The following HMCN1 variants were observed in gnomAD, a reference collection of about 807,000 sequenced individuals.
HMCN1 encodes hemicentin 1, also known as hemicentin-1.
In HMCN1, 321 loss-of-function variants were observed where a neutral mutation model predicts 625.9. That is an observed-to-expected ratio of 0.51 (90% CI 0.47 to 0.56). The LOEUF (loss-of-function observed/expected upper bound fraction) is 0.56, where lower values mean the gene tolerates loss of function less well. Among genes scored for constraint, HMCN1 ranks in the 20% least tolerant of loss-of-function variants. The pLI is 0.00. For synonymous variants in HMCN1, 2,425 were observed against 2,417.6 expected (o/e 1.00, Z -0.09); for missense variants, 6,588 against 6,887.3 (o/e 0.96, Z 1.54).
At chr1:186,119,330 G>C (rs371101620) in intron 78 of HMCN1, 32 bp downstream of exon 78, 2 of 1,534,760 alleles carry the variant, frequency 1.3e-6, no homozygotes, top group Non-Finnish European at 1.8e-6. Flanking sequence ...TTCAAAGTTC[G>C]CTGGGTTTGG....
chr1:186,151,200 G>A lies in HMCN1; in HGVS notation c.14609G>A (p.Gly4870Asp). 12 of 1,613,376 alleles carry A rather than the reference G, an allele frequency of 7.4e-6. No homozygotes were observed. The highest frequency in any genetic ancestry group is 1.0e-5 in the Non-Finnish European group (12 of 1,179,668). The change falls in exon 94 of 107, where the codon GGT (glycine) becomes GAT (aspartate). Residue 4870 changes from glycine (G) to aspartate (D), a missense_variant and splice_region_variant. Gly to Asp is a moderately conservative substitution (Grantham distance 94). This residue lies in a region of HMCN1 where 1,954 missense variants were observed against 2,013.1 expected (regional missense o/e 0.97). Coordinates refer to ENST00000271588, the MANE Select transcript of HMCN1 (RefSeq NM_031935.3). ...GGAATGTTTTTTTTTCCCCCAATAG[G>A]TGGGCCCCAGCGAGCCAGAGGAAGT... ...VTRCNVQACP[G>D]GPQRARGSVI...
At chr1:185,959,415 G>A (rs1008466472) in intron 11 of HMCN1, among the ~76,000 whole-genome samples, 6 of 152,032 alleles carry the variant, frequency 3.9e-5, no homozygotes, top group African/African-American at 1.4e-4. Flanking sequence ...ACCATTAATA[G>A]TGTATTAAGA....
At chr1:186,153,290 C>T (rs1650787094) in intron 96 of HMCN1, among the ~76,000 whole-genome samples, 1 of 152,074 alleles carries the variant, frequency 6.6e-6, no homozygotes, top group African/African-American at 2.4e-5. Flanking sequence ...AATTATGAAA[C>T]AACTATGTTA....
intron 15 of HMCN1, among the ~76,000 whole-genome samples, chr1:185,975,384 G>T (rs1055781804): frequency 2.0e-5 from 3 of 152,146 alleles, no homozygotes; most frequent in Non-Finnish European, 4.4e-5. Context: ...AGGGAAGCAG[G>T]CACATCTTAC....
chr1:186,103,544 C>A lies in HMCN1; in HGVS notation c.10646C>A (p.Thr3549Asn). 1.2e-6 allele frequency: 2 copies of A among 1,613,866 alleles called. No individual in the cohort carries two copies. Among genetic ancestry groups the A allele is most frequent in the Non-Finnish European group, 8.5e-7 (1 of 1,179,804 alleles). Residue 3549 changes from threonine to asparagine, a missense_variant, in exon 69 of 107, where the codon ACC (threonine) becomes AAC (asparagine). Transcript: ENST00000271588. ...SVIVNNPLEL[T>N]CIASGIPAPK... ...ATTGTTAATAACCCACTTGAACTTA[C>A]CTGCATTGCTTCTGGAATCCCAGCC...
chr1:186,087,514 TC>T lies in HMCN1; in HGVS notation c.9233del (p.Ser3078PhefsTer22). On this transcript the variant is annotated frameshift_variant, in exon 60 of 107. Transcript: ENST00000271588. LOFTEE classifies it high-confidence loss of function. ...TAATGTAAGAGAGGGAACTTCTGTG[TC>T]TTTGGAGTGTGAGTCGAACGCTGTG... ...VVNVREGTSV[S>X]LECESNAVPP... 1 of 1,613,348 alleles carries T rather than the reference TC, an allele frequency of 6.2e-7. No homozygotes were observed. The highest frequency in any genetic ancestry group is 8.5e-7 in the Non-Finnish European group (1 of 1,179,540).
At chr1:185,890,087 T>C (rs1664956735) in intron 4 of HMCN1, among the ~76,000 whole-genome samples, 1 of 151,888 alleles carries the variant, frequency 6.6e-6, no homozygotes, top group Non-Finnish European at 1.5e-5. Context: ...GATTTTCTAG[T>C]TTATTAGCTT....
At position 186,190,311 on chromosome 1, in the gene HMCN1, C is replaced by A; in HGVS notation, c.*433C>A. On this transcript the variant is annotated 3_prime_UTR_variant, in exon 107 of 107. Coordinates refer to ENST00000271588, the MANE Select transcript of HMCN1 (RefSeq NM_031935.3). Reference sequence around the variant, plus strand: ...AAAATTAGTTACTAAGTATTTTGATCAAAGCTTATAAAATAACTTACGGAG... The same window carrying A: ...AAAATTAGTTACTAAGTATTTTGATAAAAGCTTATAAAATAACTTACGGAG... 4.6e-6 allele frequency: 1 copy of A among 216,348 alleles called. No individual in the cohort carries two copies. 13.4% of individuals were successfully genotyped at this position (216,348 alleles called of 1,614,324 possible).
Position 185,987,441 on chromosome 1 carries a change from C to A in HMCN1, c.2945C>A (p.Thr982Asn). 1 of 1,610,516 alleles carries A rather than the reference C, an allele frequency of 6.2e-7. No individual in the cohort carries two copies. The highest frequency in any genetic ancestry group is 8.5e-7 in the Non-Finnish European group (1 of 1,176,714). ...TTSVVVHVLPTIQHGQQILST... is the reference protein window; with the variant it reads ...TTSVVVHVLPNIQHGQQILST... ...CTACTTACCTTTTCAGTTCTGCCAA[C>A]CATTCAGCATGGGCAGCAGATACTC... The change falls in exon 20 of 107, where the codon ACC (threonine) becomes AAC (asparagine). Residue 982 changes from threonine to asparagine, a missense_variant. Transcript: ENST00000271588.
chr1:185,990,241 A>G, intron 21 of HMCN1, 34 bp from the exon 22 acceptor site: 2 of 1,588,582 alleles, frequency 1.3e-6, no homozygotes, highest in Non-Finnish European at 1.7e-6. Context: ...TTTTCAATAT[A>G]CTGTTTCCCT....
Position 185,994,832 on chromosome 1 carries a change from C to T in HMCN1, c.3523C>T (p.Arg1175Cys), listed in dbSNP as rs147236265. The T allele has an allele frequency of 1.1e-5, 18 of 1,613,202 alleles. No homozygotes were observed. Among genetic ancestry groups the T allele is most frequent in the Admixed American group, 5.0e-5 (3 of 59,934 alleles). The change falls in exon 24 of 107, where the codon CGT becomes TGT. Residue 1175 changes from arginine (R) to cysteine (C), a missense_variant. Physicochemically the swap from Arg to Cys is radical, Grantham distance 180 (BLOSUM62 -3). Around this residue, in one of 3 missense-constraint regions of HMCN1, gnomAD observed 4,628 missense variants for 4,853.1 expected, o/e 0.95. Transcript: ENST00000271588. ...LNVHVPPKIQ[R>C]GPKHLKVQVG... is the part of the protein sequence containing the mutation. The stretch of plus-strand genomic sequence containing the variant: ...ATTTCTAGTTCCTCCAAAGATACAG[C>T]GTGGACCTAAACATCTCAAAGTCCA...
chr1:186,188,903 C>A (rs1226883101), intron 106 of HMCN1, among the ~76,000 whole-genome samples: 1 of 152,068 alleles, frequency 6.6e-6, no homozygotes, highest in Non-Finnish European at 1.5e-5. Flanking sequence ...TTTTTCCCTT[C>A]TTTATTACCA....
chr1:185,941,197 GT>G (rs1668063379), intron 11 of HMCN1, among the ~76,000 whole-genome samples: 1 of 152,106 alleles, frequency 6.6e-6, no homozygotes, highest in Admixed American at 6.6e-5. Flanking sequence ...TTTAAAAATG[GT>G]AAGTTCATGG....
At chr1:186,013,276 T>G (rs901980117) in intron 30 of HMCN1, among the ~76,000 whole-genome samples, 1 of 152,202 alleles carries the variant, frequency 6.6e-6, no homozygotes, top group African/African-American at 2.4e-5. Context: ...TCACAAAATG[T>G]TATTATTTTG....
chr1:185,997,388 C>A, intron 24 of HMCN1, 41 bp from the exon 25 acceptor site: 1 of 1,327,048 alleles, frequency 7.5e-7, no homozygotes, highest in Non-Finnish European at 1.1e-6. Context: ...TTTGAAATTG[C>A]TCAAAGAAAG....
chr1:186,046,502 C>T (rs570788244), intron 41 of HMCN1, among the ~76,000 whole-genome samples: 124 of 152,008 alleles, frequency 8.2e-4, no homozygotes, highest in Admixed American at 8.0e-3. Context: ...GAGCATGACA[C>T]TCTTCATGTC....
rs1354442820 is a variant in HMCN1 at position 186,045,839 on chromosome 1, A to G, written c.6456A>G (p.Ile2152Met). ...HPLLKKPGLS[I>M]SENRSVLKIE... ...TGCTGAAGAAACCAGGCCTCAGTAT[A>G]TCTGAAAATAGAAGTGTGTTAAAGG... Residue 2152 changes from isoleucine to methionine, a missense_variant, in exon 41 of 107, where the codon ATA becomes ATG. This residue lies in a region of HMCN1 where 4,628 missense variants were observed against 4,853.1 expected (regional missense o/e 0.95). Transcript: ENST00000271588. The G allele has an allele frequency of 6.2e-7, 1 of 1,612,230 alleles. No homozygotes were observed. The highest frequency in any genetic ancestry group is 8.5e-7 in the Non-Finnish European group (1 of 1,178,488).
chr1:186,182,267 A>G lies in HMCN1; in HGVS notation c.16394A>G (p.His5465Arg), dbSNP rs1652981725. ...TGCCCACCTGGCTATCAACTCACAC[A>G]CAATGGAAAGACATGCCAAGGTGAG... ...CICPPGYQLT[H>R]NGKTCQDIDE... Residue 5465 changes from histidine (H) to arginine (R), a missense_variant, in exon 105 of 107, where the codon CAC becomes CGC. Transcript: ENST00000271588. The G allele has an allele frequency of 5.6e-6, 9 of 1,613,538 alleles. No individual in the cohort carries two copies. The highest frequency in any genetic ancestry group is 6.8e-6 in the Non-Finnish European group (8 of 1,179,528).
chr1:185,912,796 A>G (rs1185175875), intron 6 of HMCN1, among the ~76,000 whole-genome samples: 2 of 152,028 alleles, frequency 1.3e-5, no homozygotes, highest in African/African-American at 4.8e-5. Context: ...CTCTCTTCCT[A>G]TTAGCATTCC....
Sources: gnomAD v4.1 joint callset for allele counts (sites outside exome capture counted in the v4.1 genomes callset) on GRCh38, gnomAD v4.1.1 for gene constraint, gnomAD v4.1.1 regional missense constraint, MANE v1.5 for transcripts, NCBI Gene and HGNC (gene_info 2026-07-23, HGNC 2026-07-21) for gene names.